ACBD6: variants seen among roughly 807,000 people sequenced by gnomAD.
ACBD6 encodes acyl-CoA-binding domain-containing protein 6.
Under a neutral mutation model 37.2 loss-of-function variants are expected in ACBD6, and 28 were observed. That is an observed-to-expected ratio of 0.75 (90% CI 0.56 to 1.03). ACBD6 has a LOEUF of 1.03. ACBD6 is among the 50% of genes least tolerant of loss of function. ACBD6 has a pLI of 0.00. For missense variants in ACBD6, 340 were observed against 337.4 expected, an observed-to-expected ratio of 1.01 and a Z score of -0.06; for synonymous variants, 113 against 126.8, an observed-to-expected ratio of 0.89 and a Z score of 0.73.
exon 14 of ACBD6, chr1:180,270,018 CAT>C (rs1367409604): frequency 2.0e-5 from 3 of 152,306 alleles, no homozygotes; most frequent in Non-Finnish European, 2.9e-5. Context: ...TGTGTACACA[CAT>C]GTCCTGGCTG....
intron 3 of ACBD6, chr1:180,435,428 T>A (rs1243553748): frequency 1.2e-5 from 5 of 422,902 alleles, no homozygotes; most frequent in Non-Finnish European, 2.1e-5. Flanking sequence ...TTTTTTTTTT[T>A]TTTTTTAGTA....
chr1:180,438,963 G>A (rs1215521552), intron 3 of ACBD6, among the ~76,000 whole-genome samples: 1 of 152,008 alleles, frequency 6.6e-6, no homozygotes, highest in African/African-American at 2.4e-5. Flanking sequence ...GGCAACTAGT[G>A]ATCTTTTCAC....
rs138770214 is a variant in ACBD6 at position 180,464,292 on chromosome 1, T to C, written c.384+27977A>G. On this transcript the variant is annotated intron_variant, in intron 3 of 7. Coordinates refer to ENST00000367595, the MANE Select transcript of ACBD6 (RefSeq NM_032360.4). The stretch of plus-strand genomic sequence containing the variant: ...ATGATTCCATATCTAGAAAACCCCA[T>C]AGTCTCGGCCCCAAAGCTCCTTCAG... Among the ~76,000 whole-genome samples the C allele has an allele frequency of 3.4e-3, 517 of 152,234 alleles. 5 individuals carry two copies. Among genetic ancestry groups the C allele is most frequent in the African/African-American group, 0.012 (498 of 41,548 alleles).
intron 9 of ACBD6, chr1:180,278,789 A>AGTT (rs1210435644): frequency 1.3e-5 from 2 of 151,746 alleles, no homozygotes; most frequent in East Asian, 1.9e-4. Flanking sequence ...AATTTTGTAC[A>AGTT]GTTAAAGAGA....
intron 7 of ACBD6, among the ~76,000 whole-genome samples, chr1:180,293,989 G>A (rs1244016157): frequency 6.6e-6 from 1 of 152,028 alleles, no homozygotes; most frequent in Non-Finnish European, 1.5e-5. Context: ...CCGCCTCCCG[G>A]GTTCAAGTGA....
intron 9 of ACBD6, chr1:180,277,677 C>T (rs964255761): frequency 1.3e-5 from 2 of 152,156 alleles, no homozygotes; most frequent in African/African-American, 4.8e-5. Flanking sequence ...CAAGGACTTG[C>T]TATGCAACCT....
chr1:180,449,887 T>C (rs922667901), intron 3 of ACBD6, among the ~76,000 whole-genome samples: 3 of 148,958 alleles, frequency 2.0e-5, no homozygotes, highest in African/African-American at 7.5e-5. Flanking sequence ...ATTGTGCACA[T>C]GTACCCTAGA....
intron 3 of ACBD6, among the ~76,000 whole-genome samples, chr1:180,469,722 T>C (rs1250492363): frequency 4.6e-5 from 7 of 152,216 alleles, no homozygotes; most frequent in South Asian, 2.1e-4. Context: ...AATTTCAACC[T>C]GGTCATTTAT....
intron 6 of ACBD6, among the ~76,000 whole-genome samples, chr1:180,367,002 C>A (rs553066261): frequency 6.6e-6 from 1 of 152,298 alleles, no homozygotes; most frequent in South Asian, 2.1e-4. Flanking sequence ...ATTCACATAA[C>A]CTCTCTGAGC....
intron 3 of ACBD6, among the ~76,000 whole-genome samples, chr1:180,433,236 C>A (rs191517930): frequency 2.6e-5 from 4 of 152,186 alleles, no homozygotes; most frequent in African/African-American, 9.6e-5. Flanking sequence ...GATGGTTCAA[C>A]ATACAAAAAT....
At chr1:180,367,445 C>T (rs746605828) in intron 6 of ACBD6, among the ~76,000 whole-genome samples, 2 of 151,988 alleles carry the variant, frequency 1.3e-5, no homozygotes, top group Admixed American at 6.6e-5. Flanking sequence ...ACAGTTAACT[C>T]GTGTCATAGG....
chr1:180,345,663 C>T (rs563796321), intron 6 of ACBD6, among the ~76,000 whole-genome samples: 26 of 152,126 alleles, frequency 1.7e-4, no homozygotes, highest in Admixed American at 8.5e-4. Context: ...AAATGATGGT[C>T]ATAAAACATT....
chr1:180,449,932 A>AG (rs373086092), intron 3 of ACBD6, among the ~76,000 whole-genome samples: 10 of 151,448 alleles, frequency 6.6e-5, no homozygotes, highest in African/African-American at 2.4e-4. Flanking sequence ...TAAAAAAAAA[A>AG]GCATGCTAAT....
chr1:180,378,908 C>T (rs901965807), intron 6 of ACBD6, among the ~76,000 whole-genome samples: 6 of 152,176 alleles, frequency 3.9e-5, no homozygotes, highest in African/African-American at 9.7e-5. Context: ...TGCCACTGCC[C>T]ATGTCACACT....
At chr1:180,430,600 T>C (rs917406142) in intron 3 of ACBD6, among the ~76,000 whole-genome samples, 2 of 151,114 alleles carry the variant, frequency 1.3e-5, no homozygotes, top group African/African-American at 4.9e-5. Flanking sequence ...ATCCCAGACA[T>C]GAATGTGATC....
At chr1:180,500,695 A>G (rs751462974) in intron 1 of ACBD6, among the ~76,000 whole-genome samples, 83 of 100,262 alleles carry the variant, frequency 8.3e-4, no homozygotes, top group South Asian at 4.7e-3. Context: ...ACTCCATCTC[A>G]AAAAAAAAAA....
At chr1:180,499,081 A>C (rs1194528058) in intron 1 of ACBD6, among the ~76,000 whole-genome samples, 1 of 152,328 alleles carries the variant, frequency 6.6e-6, no homozygotes, top group East Asian at 1.9e-4. Context: ...TAAAGCTATG[A>C]TGCTAAGTTT....
At chr1:180,432,559 AC>A (rs1648854665) in intron 3 of ACBD6, among the ~76,000 whole-genome samples, 1 of 152,176 alleles carries the variant, frequency 6.6e-6, no homozygotes, top group Non-Finnish European at 1.5e-5. Flanking sequence ...AGAAACCACT[AC>A]ACACCTATTG....
At chr1:180,487,071 T>C (rs558371057) in intron 3 of ACBD6, among the ~76,000 whole-genome samples, 1 of 151,656 alleles carries the variant, frequency 6.6e-6, no homozygotes, top group African/African-American at 2.4e-5. Flanking sequence ...TAAAGATACA[T>C]GACAACTAAA....
Sources: allele counts gnomAD v4.1 joint callset (sites outside exome capture counted in the v4.1 genomes callset), GRCh38; gene constraint gnomAD v4.1.1; transcripts MANE v1.5; gene names NCBI Gene and HGNC (gene_info 2026-07-23, HGNC 2026-07-21).